Variants in SMPD3 observed in about 807,000 individuals in gnomAD.
SMPD3 encodes sphingomyelin phosphodiesterase 3.
SMPD3 carries 21 observed loss-of-function variants against 55.7 expected under a neutral mutation model. That is an observed-to-expected ratio of 0.38 (90% CI 0.27 to 0.54). The LOEUF is 0.54. Ranked by LOEUF, SMPD3 falls within the 20% of genes least tolerant of loss-of-function variation. The probability of loss-of-function intolerance (pLI) is 0.80; values close to 1 mark genes in which losing one functional copy is unlikely to be tolerated. For missense variants in SMPD3, 842 were observed against 899.6 expected, an observed-to-expected ratio of 0.94 and a Z score of 0.82; for synonymous variants, 457 against 404.3, an observed-to-expected ratio of 1.13 and a Z score of -1.56.
intron 1 of SMPD3, among the ~76,000 whole-genome samples, chr16:68,388,487 T>C (rs1330397674): frequency 2.0e-5 from 3 of 152,192 alleles, no homozygotes; most frequent in African/African-American, 7.2e-5. Flanking sequence ...CCTGAGCCAT[T>C]TGGGCCTGTG....
In SMPD3 at chr16:68,371,545, T is replaced by C. The variant is rs2089669865; in HGVS notation, c.637A>G (p.Lys213Glu). The C allele has an allele frequency of 1.2e-6, 2 of 1,601,516 alleles. No homozygotes were observed. Among genetic ancestry groups the C allele is most frequent in the African/African-American group, 1.3e-5 (1 of 74,702 alleles). Reference protein sequence around the residue: ...SIKRTASVEYKGDGGRHPGDE... With the variant: ...SIKRTASVEYEGDGGRHPGDE... The stretch of plus-strand genomic sequence containing the variant: ...CCGGGGTGCCGCCCACCGTCACCCT[T>C]GTACTCCACAGAGGCTGTCCTCTTA... The change falls in exon 3 of 9, where the codon AAG becomes GAG. Residue 213 changes from lysine (K) to glutamate (E), a missense_variant. Coordinates refer to ENST00000219334, the MANE Select transcript of SMPD3 (RefSeq NM_018667.4).
chr16:68,433,376 T>C (rs1317030347), intron 1 of SMPD3, among the ~76,000 whole-genome samples: 1 of 152,212 alleles, frequency 6.6e-6, no homozygotes, highest in African/African-American at 2.4e-5. Flanking sequence ...CCTGCATCTG[T>C]CATTCCTTCC....
intron 1 of SMPD3, among the ~76,000 whole-genome samples, chr16:68,429,006 C>G (rs1326207247): frequency 1.3e-5 from 2 of 152,316 alleles, no homozygotes; most frequent in Non-Finnish European, 2.9e-5. Flanking sequence ...ATCTGGCTGC[C>G]CTGTGGGAGA....
intron 2 of SMPD3, chr16:68,382,161 G>C (rs1199324548): frequency 6.6e-6 from 1 of 152,292 alleles, no homozygotes; most frequent in Non-Finnish European, 1.5e-5. Context: ...AGGTAGCACA[G>C]TAAATCCGTA....
chr16:68,413,170 T>C (rs1210295282), intron 1 of SMPD3, among the ~76,000 whole-genome samples: 1 of 152,238 alleles, frequency 6.6e-6, no homozygotes, highest in Non-Finnish European at 1.5e-5. Flanking sequence ...GTTTCGGTGA[T>C]GTTTTCCAGG....
intron 2 of SMPD3, among the ~76,000 whole-genome samples, chr16:68,384,517 C>G (rs1234960513): frequency 6.6e-6 from 1 of 152,172 alleles, no homozygotes; most frequent in Non-Finnish European, 1.5e-5. Context: ...AACTGAGAGA[C>G]AGGAGGCTCA....
chr16:68,368,884 AC>A (rs1219614350), intron 3 of SMPD3: 1 of 152,108 alleles, frequency 6.6e-6, no homozygotes, highest in Non-Finnish European at 1.5e-5. Flanking sequence ...TGCTGAGAGA[AC>A]CTGCAAACCG....
chr16:68,374,933 A>G (rs3760002), intron 2 of SMPD3, among the ~76,000 whole-genome samples: 118,804 of 152,176 alleles, frequency 0.78, 47,268 homozygotes, highest in African/African-American at 0.94. Flanking sequence ...CCAGCCACCA[A>G]TAGTCCCTGC....
chr16:68,389,624 G>A (rs1254800288), intron 1 of SMPD3, among the ~76,000 whole-genome samples: 2 of 152,222 alleles, frequency 1.3e-5, no homozygotes, highest in Non-Finnish European at 1.5e-5. Flanking sequence ...TACCTTCGAT[G>A]AGGCTGGAGC....
chr16:68,414,569 C>T (rs920979515), intron 1 of SMPD3, among the ~76,000 whole-genome samples: 3 of 152,180 alleles, frequency 2.0e-5, no homozygotes, highest in Non-Finnish European at 4.4e-5. Context: ...GCCTCTAAGC[C>T]CCACAGGTAG....
intron 1 of SMPD3, among the ~76,000 whole-genome samples, chr16:68,427,661 T>C (rs1056207556): frequency 1.3e-5 from 2 of 152,044 alleles, no homozygotes; most frequent in Admixed American, 1.3e-4. Flanking sequence ...CCTAGTGCTA[T>C]GGGCAGAAGT....
intron 1 of SMPD3, among the ~76,000 whole-genome samples, chr16:68,395,027 G>T (rs1035795363): frequency 6.6e-6 from 1 of 151,918 alleles, no homozygotes; most frequent in Admixed American, 6.6e-5. Context: ...CACTCCCTTG[G>T]CTAGCCCCCC....
chr16:68,428,409 T>A (rs2090453568), intron 1 of SMPD3, among the ~76,000 whole-genome samples: 1 of 152,156 alleles, frequency 6.6e-6, no homozygotes, highest in South Asian at 2.1e-4. Context: ...GAATGCATCC[T>A]TCACCCCGCT....
intron 1 of SMPD3, among the ~76,000 whole-genome samples, chr16:68,425,946 C>G (rs531420007): frequency 6.6e-6 from 1 of 152,260 alleles, no homozygotes; most frequent in Non-Finnish European, 1.5e-5. Flanking sequence ...ACAGAGGATT[C>G]CATGTGGAGG....
chr16:68,420,591 G>A (rs2090385314), intron 1 of SMPD3, among the ~76,000 whole-genome samples: 1 of 152,176 alleles, frequency 6.6e-6, no homozygotes, highest in African/African-American at 2.4e-5. Flanking sequence ...TGAGTTAAGT[G>A]GCTCCTAGGC....
At position 68,447,066 on chromosome 16, in the gene SMPD3, C is replaced by G. The variant is rs924315901; in HGVS notation, c.-269+1287G>C. ...CTGGCACGTTTCCGTGGAAGCTGCC[C>G]GCGCCGCGCCCGAAGCCCCCCCTCC... is the stretch of plus-strand genomic sequence containing the variant. On this transcript the variant is annotated intron_variant, in intron 1 of 8. Coordinates refer to ENST00000219334, the MANE Select transcript of SMPD3 (RefSeq NM_018667.4). The surrounding 1 kb of genome is among the most constrained non-coding windows in gnomAD (Gnocchi z 5.1). Among the ~76,000 whole-genome samples, 1 of 151,994 alleles carries G rather than the reference C, an allele frequency of 6.6e-6. No homozygotes were observed. The highest frequency in any genetic ancestry group is 1.9e-4 in the East Asian group (1 of 5,144).
Position 68,364,758 on chromosome 16 carries a change from G to A in SMPD3, c.1548C>T (p.Cys516=), listed in dbSNP as rs144272369. Residue 516 remains cysteine (C), a synonymous_variant, in exon 5 of 9, where the codon TGC becomes TGT. Transcript: ENST00000219334. ...VVCGDFNFDN[C]SSDDKLEQQH... ...GGAGGAGCCCGGCCTCACCAGAGGA[G>A]CAGTTATCAAAGTTGAAATCTCCAC... 148 of 1,613,342 alleles carry A rather than the reference G, an allele frequency of 9.2e-5. No individual in the cohort carries two copies. The African/African-American group carries it at 1.3e-3, about 14-fold the overall frequency.
At chr16:68,415,353 G>A (rs1291694459) in intron 1 of SMPD3, among the ~76,000 whole-genome samples, 2 of 152,168 alleles carry the variant, frequency 1.3e-5, no homozygotes, top group African/African-American at 2.4e-5. Context: ...CAGGCAGTAA[G>A]GGGATGCCTG....
intron 2 of SMPD3, among the ~76,000 whole-genome samples, chr16:68,382,866 G>A (rs2089977742): frequency 1.3e-5 from 2 of 152,144 alleles, no homozygotes; most frequent in African/African-American, 4.8e-5. Flanking sequence ...TTTGGAGATG[G>A]AGTCTCGCTC....
Sources: allele counts gnomAD v4.1 joint callset (sites outside exome capture counted in the v4.1 genomes callset), GRCh38; gene constraint gnomAD v4.1.1; non-coding constraint Gnocchi (gnomAD v3.1); transcripts MANE v1.5; gene names NCBI Gene and HGNC (gene_info 2026-07-23, HGNC 2026-07-21).